Variants in NAV3 observed in about 807,000 individuals in gnomAD.
NAV3 encodes the protein pore membrane and/or filament interacting like protein 1.
A neutral mutation model predicts 244.7 loss-of-function variants in NAV3; 87 were observed. That is an observed-to-expected ratio of 0.36 (90% CI 0.30 to 0.42). The LOEUF is 0.42. NAV3 is among the 20% of genes least tolerant of loss of function. The probability of loss-of-function intolerance (pLI) is 1.00; values close to 1 mark genes in which losing one functional copy is unlikely to be tolerated. For missense variants in NAV3, 2,663 were observed against 2,893.3 expected (o/e 0.92, Z 1.83); for synonymous variants, 1,126 against 1,042.2 (o/e 1.08, Z -1.55).
At chr12:78,185,498 T>A in intron 30 of NAV3, 103 bp from the exon 31 acceptor site, 3 of 970,284 alleles carry the variant, frequency 3.1e-6, no homozygotes, top group South Asian at 1.5e-5. Context: ...GGGAAGCAAA[T>A]CCCATTGAAA....
chr12:77,907,912 G>T (rs1198383351), intron 1 of NAV3, among the ~76,000 whole-genome samples: 8 of 152,090 alleles, frequency 5.3e-5, no homozygotes, highest in East Asian at 3.9e-4. Context: ...TTGTAAGGAT[G>T]TGTGGATGTT....
intron 12 of NAV3, among the ~76,000 whole-genome samples, chr12:78,077,698 G>A (rs1953121786): frequency 6.6e-6 from 1 of 152,336 alleles, no homozygotes; most frequent in Middle Eastern, 3.4e-3. Context: ...AGCACTTTGG[G>A]AGACTGAGGC....
At chr12:78,172,196 T>C (rs543101523) in intron 24 of NAV3, among the ~76,000 whole-genome samples, 17 of 151,846 alleles carry the variant, frequency 1.1e-4, no homozygotes, top group Non-Finnish European at 2.2e-4. Context: ...TGTGTAAATA[T>C]GGAATTGTTT....
At position 78,197,350 on chromosome 12, in the gene NAV3, G is replaced by T; in HGVS notation, c.6395G>T (p.Gly2132Val). 1 of 1,607,948 alleles carries T rather than the reference G, an allele frequency of 6.2e-7. No homozygotes were observed. Among genetic ancestry groups the T allele is most frequent in the South Asian group, 1.1e-5 (1 of 90,282 alleles). Residue 2132 changes from glycine to valine, a missense_variant, in exon 35 of 40, where the codon GGC becomes GTC. By Grantham distance (109) the Gly-to-Val change is moderately radical (BLOSUM62 -3). Coordinates refer to ENST00000397909, the MANE Select transcript of NAV3 (RefSeq NM_001024383.2). ...ATTCTTGATAATCTTCATCATGTGG[G>T]CTCTCTGAGTGATATCTTCAATGGT... ...VIILDNLHHVGSLSDIFNGFL... is the reference protein window; with the variant it reads ...VIILDNLHHVVSLSDIFNGFL...
At chr12:77,693,020 C>A (rs1473924668) in intron 2 of NAV3, among the ~76,000 whole-genome samples, 4 of 152,000 alleles carry the variant, frequency 2.6e-5, no homozygotes, top group Non-Finnish European at 4.4e-5. Flanking sequence ...CGGGAACATT[C>A]CTATTAGGGA....
intron 21 of NAV3, among the ~76,000 whole-genome samples, chr12:78,148,284 C>T (rs1052424473): frequency 1.3e-5 from 2 of 151,850 alleles, no homozygotes; most frequent in African/African-American, 4.8e-5. Flanking sequence ...AAACTCCAGC[C>T]AATAACAATT....
intron 2 of NAV3, among the ~76,000 whole-genome samples, chr12:77,816,929 C>T (rs1872549477): frequency 6.6e-6 from 1 of 152,070 alleles, no homozygotes; most frequent in South Asian, 2.1e-4. Flanking sequence ...CAGTAAAGTG[C>T]CATGTATATG....
At chr12:77,697,575 A>C (rs1231759003) in intron 2 of NAV3, among the ~76,000 whole-genome samples, 1 of 152,096 alleles carries the variant, frequency 6.6e-6, no homozygotes, top group Non-Finnish European at 1.5e-5. Flanking sequence ...TTACATTTTC[A>C]TCATTTCAGA....
intron 22 of NAV3, among the ~76,000 whole-genome samples, chr12:78,154,920 AC>A (rs1426409665): frequency 6.6e-6 from 1 of 151,964 alleles, no homozygotes; most frequent in Non-Finnish European, 1.5e-5. Context: ...TTTTCCATTT[AC>A]CCTATTGAGT....
intron 2 of NAV3, among the ~76,000 whole-genome samples, chr12:77,700,559 T>C (rs1026059998): frequency 6.6e-6 from 1 of 152,120 alleles, no homozygotes; most frequent in Admixed American, 6.6e-5. Flanking sequence ...TCTATTATAA[T>C]GTTGAATAGA....
At chr12:78,120,377 T>A (rs1955619379) in intron 15 of NAV3, among the ~76,000 whole-genome samples, 1 of 152,222 alleles carries the variant, frequency 6.6e-6, no homozygotes, top group Non-Finnish European at 1.5e-5. Flanking sequence ...TGGCTCTTAA[T>A]GAGTTGGTGA....
chr12:77,937,317 T>C (rs952550247), intron 1 of NAV3, among the ~76,000 whole-genome samples: 4 of 152,184 alleles, frequency 2.6e-5, no homozygotes, highest in African/African-American at 9.7e-5. Context: ...AAATGATTTG[T>C]GAGCTAAAAC....
intron 1 of NAV3, among the ~76,000 whole-genome samples, chr12:77,913,286 T>C (rs1204477234): frequency 6.6e-6 from 1 of 152,110 alleles, no homozygotes; most frequent in Non-Finnish European, 1.5e-5. Context: ...TTAGCTATGA[T>C]CATATAATAC....
chr12:78,185,435 C>T (rs941420960), intron 30 of NAV3, among the ~76,000 whole-genome samples, 166 bp from the exon 31 acceptor site: 3 of 151,770 alleles, frequency 2.0e-5, no homozygotes. Flanking sequence ...AGCCCAACCA[C>T]AGTAATTCAT....
At chr12:77,744,300 A>G (rs1238317191) in intron 2 of NAV3, among the ~76,000 whole-genome samples, 1 of 152,010 alleles carries the variant, frequency 6.6e-6, no homozygotes, top group Non-Finnish European at 1.5e-5. Flanking sequence ...CAATGATGCC[A>G]AGGCAATTCT....
chr12:78,137,496 G>A, intron 19 of NAV3, 131 bp downstream of exon 19: 1 of 877,088 alleles, frequency 1.1e-6, no homozygotes, highest in Non-Finnish European at 1.6e-6. Context: ...TGGGAAACTA[G>A]AAGCTTGAAG....
intron 2 of NAV3, among the ~76,000 whole-genome samples, chr12:77,684,351 T>G (rs1874615579): frequency 6.6e-6 from 1 of 152,156 alleles, no homozygotes; most frequent in Non-Finnish European, 1.5e-5. Flanking sequence ...TCTCAGTTTG[T>G]GGGGCTTGCC....
At chr12:77,722,419 T>C (rs915433778) in intron 2 of NAV3, among the ~76,000 whole-genome samples, 2 of 152,078 alleles carry the variant, frequency 1.3e-5, no homozygotes, top group African/African-American at 4.8e-5. Context: ...GTTGATATTG[T>C]GTGTGGTAGT....
chr12:77,707,909 GT>G (rs1792164040), intron 2 of NAV3, among the ~76,000 whole-genome samples: 1 of 152,062 alleles, frequency 6.6e-6, no homozygotes, highest in African/African-American at 2.4e-5. Flanking sequence ...TGATGGAGTT[GT>G]TTTTTTCTTG....
Sources: allele counts gnomAD v4.1 joint callset (sites outside exome capture counted in the v4.1 genomes callset), GRCh38; gene constraint gnomAD v4.1.1; transcripts MANE v1.5; gene names NCBI Gene and HGNC (gene_info 2026-07-23, HGNC 2026-07-21).